Variants in SP140 observed in about 807,000 individuals in gnomAD.
SP140 encodes the protein nuclear body protein SP140.
A neutral mutation model predicts 125.0 loss-of-function variants in SP140; 81 were observed. That is an observed-to-expected ratio of 0.65 (90% confidence interval 0.54 to 0.78). The LOEUF is 0.78. Among genes scored for constraint, SP140 ranks in the 30% least tolerant of loss-of-function variants. SP140 has a pLI of 0.00. For missense variants in SP140, 858 were observed against 1,037.0 expected (o/e 0.83, Z 2.37); for synonymous variants, 312 against 354.0 (o/e 0.88, Z 1.33).
At chr2:230,227,341 G>A (rs2046593111) in intron 1 of SP140, among the ~76,000 whole-genome samples, 1 of 152,204 alleles carries the variant, frequency 6.6e-6, no homozygotes, top group Admixed American at 6.5e-5. Flanking sequence ...GCTCTCTAGT[G>A]AAGGGAAGAT....
intron 15 of SP140, among the ~76,000 whole-genome samples, chr2:230,275,239 A>G (rs1484571092): frequency 6.6e-6 from 1 of 152,048 alleles, no homozygotes; most frequent in African/African-American, 2.4e-5. Flanking sequence ...GTTTGATTGC[A>G]CTTCACTTTA....
At chr2:230,286,432 C>T (rs918186005) in intron 17 of SP140, among the ~76,000 whole-genome samples, 1 of 152,200 alleles carries the variant, frequency 6.6e-6, no homozygotes, top group Admixed American at 6.5e-5. Flanking sequence ...TAGCTGTTGG[C>T]TTGGTCCCAT....
chr2:230,299,305 T>C (rs2058068819), intron 22 of SP140, among the ~76,000 whole-genome samples: 1 of 152,132 alleles, frequency 6.6e-6, no homozygotes, highest in African/African-American at 2.4e-5. Flanking sequence ...TGAACACATA[T>C]CCTCACTGGG....
intron 3 of SP140, chr2:230,238,729 G>A (rs1443692495): frequency 6.8e-7 from 1 of 1,476,484 alleles, no homozygotes; most frequent in Non-Finnish European, 9.3e-7. Context: ...TTGCAGATAT[G>A]TTCAAAGATA....
intron 21 of SP140, among the ~76,000 whole-genome samples, chr2:230,294,769 A>G (rs771439790): frequency 1.3e-5 from 2 of 152,264 alleles, no homozygotes; most frequent in Non-Finnish European, 2.9e-5. Flanking sequence ...GCTCACATCC[A>G]TTTGAGACAT....
rs373517913 is a variant in SP140, at chr2:230,287,411, G to T, written c.1646-481G>T. Among the ~76,000 whole-genome samples, 20 of 152,258 alleles carry T rather than the reference G, an allele frequency of 1.3e-4. 1 individual carries two copies. In the East Asian group the frequency reaches 3.9e-3, roughly 29 times the overall value. On this transcript the variant is annotated intron_variant, in intron 17 of 26. Transcript: ENST00000392045. ...TCATTTATTTGTGTCTCTGCTGAGA[G>T]AAACTGAAACGCCTTCACTTAATTT...
intron 18 of SP140, among the ~76,000 whole-genome samples, chr2:230,288,465 CTTT>C (rs2056694357): frequency 1.3e-5 from 1 of 79,290 alleles, no homozygotes; most frequent in Admixed American, 1.1e-4. Flanking sequence ...ATCTTTCTTT[CTTT>C]CTTTCTTTCT....
intron 1 of SP140, among the ~76,000 whole-genome samples, chr2:230,206,855 A>T (rs1344309513): frequency 6.6e-6 from 1 of 151,912 alleles, no homozygotes; most frequent in African/African-American, 2.4e-5. Context: ...AATTACTCTG[A>T]TCTAGAGGGA....
chr2:230,246,066 C>CATCCATCCATCCATAT (rs1669331796), intron 7 of SP140, 126 bp downstream of exon 7: 1 of 636,030 alleles, frequency 1.6e-6, no homozygotes, highest in Non-Finnish European at 2.9e-6. Flanking sequence ...TCCATCCATT[C>CATCCATCCATCCATAT]ATCCATCCAT....
intron 4 of SP140, among the ~76,000 whole-genome samples, chr2:230,241,933 G>T (rs1460904425): frequency 1.3e-5 from 2 of 152,196 alleles, no homozygotes; most frequent in Non-Finnish European, 2.9e-5. Flanking sequence ...CCAGTTAGGG[G>T]TCTCTAGTAC....
chr2:230,310,199 C>T, intron 23 of SP140, 160 bp downstream of exon 23: 1 of 656,750 alleles, frequency 1.5e-6, no homozygotes, highest in Non-Finnish European at 2.6e-6. Context: ...GTGGGAGACG[C>T]TGGCAGCAGG....
chr2:230,237,003 T>A lies in SP140; in HGVS notation c.60-80T>A, dbSNP rs939882430. 131 of 1,143,864 alleles carry A rather than the reference T, an allele frequency of 1.1e-4. No homozygotes were observed. In the African/African-American group the frequency reaches 1.9e-3, roughly 17 times the overall value. 70.9% of individuals were successfully genotyped at this position (1,143,864 alleles called of 1,614,324 possible). On this transcript the variant is annotated intron_variant, in intron 1 of 26. Transcript: ENST00000392045. This position sits in a 1 kb window ranked among gnomAD's most constrained non-coding sequence, Gnocchi z 5.4. ...CATGTTGGCTCTCCATTGGCCATCC[T>A]TCATGTCTAAAATCTTCTAACCACC...
At chr2:230,225,992 C>G in intron 1 of SP140, 89 bp downstream of exon 1, 3 of 969,148 alleles carry the variant, frequency 3.1e-6, no homozygotes, top group Non-Finnish European at 4.8e-6. Flanking sequence ...CAGCTTCACT[C>G]TACAGGTATA....
rs558946624 is a variant in SP140 at position 230,219,768 on chromosome 2, A to C, written c.-91+5694A>C. ...CATGTCTGAGCTCTGAGAGAGCCTC[A>C]GAGTTTAAATAGTTGAACTCCACCC... On this transcript the variant is annotated intron_variant, in intron 3 of 4. Transcript: ENST00000456542. The C allele has an allele frequency of 1.2e-4, 28 of 229,890 alleles. 1 individual carries two copies. In the South Asian group the frequency reaches 4.1e-3, roughly 34 times the overall value. The allele number at this position is 229,890 out of a possible 1,614,324, so 14.2% of individuals were successfully genotyped here.
At position 230,237,545 on chromosome 2, in the gene SP140, T is replaced by C. The variant is rs543387611; in HGVS notation, c.237+285T>C. 21 of 254,366 alleles carry C rather than the reference T, an allele frequency of 8.3e-5. No individual in the cohort carries two copies. The highest frequency in any genetic ancestry group is 1.3e-4 in the Non-Finnish European group (18 of 135,086). 15.8% of individuals were successfully genotyped at this position (254,366 alleles called of 1,614,324 possible). A position where few individuals can be genotyped will look rare whatever the true frequency, so the allele number is the denominator to read the frequency against. Reference sequence around the variant, plus strand: ...GTAAACAATCTACTAATGGTAGCCATAATTAAAATAAATAAGTGACCTAGG... The same window carrying C: ...GTAAACAATCTACTAATGGTAGCCACAATTAAAATAAATAAGTGACCTAGG... On this transcript the variant is annotated intron_variant, in intron 2 of 26. Coordinates refer to ENST00000392045, the MANE Select transcript of SP140 (RefSeq NM_007237.5). This position sits in a 1 kb window ranked among gnomAD's most constrained non-coding sequence, Gnocchi z 5.4.
intron 3 of SP140, chr2:230,215,019 T>A (rs771398482): frequency 1.2e-6 from 2 of 1,613,834 alleles, no homozygotes; most frequent in South Asian, 2.2e-5. Context: ...CTGAACAATG[T>A]CACCAGAAGA....
chr2:230,301,938 G>T (rs1252743241), intron 22 of SP140, among the ~76,000 whole-genome samples: 1 of 152,094 alleles, frequency 6.6e-6, no homozygotes, highest in African/African-American at 2.4e-5. Context: ...GGTAGAAAAA[G>T]ATATGCCATG....
At chr2:230,207,610 C>G (rs920284555) in intron 1 of SP140, among the ~76,000 whole-genome samples, 4 of 152,186 alleles carry the variant, frequency 2.6e-5, no homozygotes, top group Non-Finnish European at 5.9e-5. Flanking sequence ...CTTGTTCAAG[C>G]CAGAAATTGA....
intron 22 of SP140, among the ~76,000 whole-genome samples, chr2:230,308,349 T>C (rs1385206834): frequency 6.6e-6 from 1 of 152,132 alleles, no homozygotes. Flanking sequence ...AAATTATCCA[T>C]GTAACCAAAA....
Sources: allele counts gnomAD v4.1 joint callset (sites outside exome capture counted in the v4.1 genomes callset), GRCh38; gene constraint gnomAD v4.1.1; non-coding constraint Gnocchi (gnomAD v3.1); transcripts MANE v1.5; gene names NCBI Gene and HGNC (gene_info 2026-07-23, HGNC 2026-07-21).